The following GNAS variants were observed in gnomAD, a reference collection of about 807,000 sequenced individuals.
The protein encoded by GNAS is GNAS complex locus.
GNAS carries 8 observed loss-of-function variants against 54.5 expected under a neutral mutation model. That is an observed-to-expected ratio of 0.15 (90% CI 0.09 to 0.26). The LOEUF is 0.26. Among genes scored for constraint, GNAS ranks in the 10% least tolerant of loss-of-function variants. The pLI is 1.00. For synonymous variants in GNAS, 204 were observed against 191.4 expected (o/e 1.07, Z -0.54); for missense variants, 170 against 529.8 (o/e 0.32, Z 6.67).
chr20:58,853,431 A>G lies in GNAS; in HGVS notation c.43+12545A>G, dbSNP rs1180561678. The G allele has an allele frequency of 6.2e-7, 1 of 1,604,596 alleles. No individual in the cohort carries two copies. ...AGAGATGGAGACCGAACCGCCTCAC[A>G]ACGAGCCCATCCCCGTCGAGAATGA... On this transcript the variant is annotated intron_variant, in intron 1 of 12. Transcript: ENST00000306090. This position sits in a 1 kb window ranked among gnomAD's most constrained non-coding sequence, Gnocchi z 4.4.
chr20:58,869,375 A>G (rs2087283887), intron 1 of GNAS, among the ~76,000 whole-genome samples: 1 of 152,212 alleles, frequency 6.6e-6, no homozygotes, highest in Non-Finnish European at 1.5e-5. Flanking sequence ...AGGAAATCAA[A>G]TGGTAGGGCC....
chr20:58,891,600 T>A lies in GNAS; in HGVS notation c.-127T>A. On this transcript the variant is annotated 5_prime_UTR_variant, in exon 1 of 13. Transcript: ENST00000371085. The stretch of plus-strand genomic sequence containing the variant: ...CCCGCAGTCCGCCCCGCGCGCTCCT[T>A]GCCGAGGAGCCGAGCCCGCGCCCGG... 1.0e-6 allele frequency: 1 copy of A among 964,306 alleles called. No homozygotes were observed. Among genetic ancestry groups the A allele is most frequent in the African/African-American group, 1.9e-5 (1 of 52,848 alleles). The allele number at this position is 964,306 out of a possible 1,614,324, so 59.7% of individuals were successfully genotyped here. A position where few individuals can be genotyped will look rare whatever the true frequency, so the allele number is the denominator to read the frequency against.
At position 58,899,853 on chromosome 20, in the gene GNAS, A is replaced by G. The variant is rs372281239; in HGVS notation, c.257+868A>G. The stretch of plus-strand genomic sequence containing the variant: ...CATTGACTTAGTTTAGGGCATCTCA[A>G]AGAAACAGCTTCTGTGGCCGGGGAG... On this transcript the variant is annotated intron_variant, in intron 3 of 12. Transcript: ENST00000371085. 2.0e-5 allele frequency: 14 copies of G among 704,840 alleles called. No homozygotes were observed. In the East Asian group the frequency reaches 2.7e-4, roughly 14 times the overall value. 43.7% of individuals were successfully genotyped at this position (704,840 alleles called of 1,614,324 possible). A position where few individuals can be genotyped will look rare whatever the true frequency, so the allele number is the denominator to read the frequency against.
intron 1 of GNAS, chr20:58,895,367 A>T (rs2089947067): frequency 2.0e-6 from 1 of 500,532 alleles, no homozygotes; most frequent in East Asian, 3.5e-5. Context: ...AAGAAAAATT[A>T]AAACCAGCAA....
rs528475197 is a variant in GNAS, at chr20:58,842,046, G to A, written c.43+1160G>A. On this transcript the variant is annotated intron_variant, in intron 1 of 12. Transcript: ENST00000306090. Reference sequence around the variant, plus strand: ...AAAGGAGGCAGGGGCCGGCGGCTCCGGCAGCCTTGGGGAGGGGAGGCGAGG... The same window carrying A: ...AAAGGAGGCAGGGGCCGGCGGCTCCAGCAGCCTTGGGGAGGGGAGGCGAGG... 749 of 542,016 alleles carry A rather than the reference G, an allele frequency of 1.4e-3. 5 individuals carry two copies. Among genetic ancestry groups the A allele is most frequent in the African/African-American group, 0.013 (687 of 51,490 alleles). The allele number at this position is 542,016 out of a possible 1,614,324, so 33.6% of individuals were successfully genotyped here.
chr20:58,899,757 A>C (rs535662192), intron 3 of GNAS, among the ~76,000 whole-genome samples: 2 of 152,208 alleles, frequency 1.3e-5, no homozygotes, highest in African/African-American at 4.8e-5. Context: ...ATGCCAGGTA[A>C]CCACTCTAGC....
At chr20:58,902,502 G>A (rs978940776) in intron 3 of GNAS, among the ~76,000 whole-genome samples, 4 of 152,020 alleles carry the variant, frequency 2.6e-5, no homozygotes, top group South Asian at 2.1e-4. Context: ...TAAAGACCAC[G>A]CAGGCCATCC....
chr20:58,845,261 C>A (rs1476839034), intron 1 of GNAS, among the ~76,000 whole-genome samples: 1 of 152,092 alleles, frequency 6.6e-6, no homozygotes, highest in Non-Finnish European at 1.5e-5. Context: ...TAAGCTAGAC[C>A]TGAAAAAAAT....
Position 58,840,937 on chromosome 20 carries a change from C to A in GNAS, c.43+51C>A, listed in dbSNP as rs2085694235. The A allele has an allele frequency of 1.9e-6, 3 of 1,594,632 alleles. No homozygotes were observed. Among genetic ancestry groups the A allele is most frequent in the Non-Finnish European group, 2.6e-6 (3 of 1,167,828 alleles). On this transcript the variant is annotated intron_variant, in intron 1 of 12. Coordinates refer to the GNAS transcript ENST00000306090. This position sits in a 1 kb window ranked among gnomAD's most constrained non-coding sequence, Gnocchi z 6.0. ...GAGCCTGAGGGCGGTGTGGGAGCAG[C>A]GCAGGTGGAAAGGAGGTGAGAAGGA...
At chr20:58,854,176 T>C (rs1316180050) in intron 1 of GNAS, 1 of 1,612,774 alleles carries the variant, frequency 6.2e-7, no homozygotes, top group Admixed American at 1.7e-5. Context: ...TGGATGGAGA[T>C]CTCCGGACCC....
intron 3 of GNAS, chr20:58,899,553 G>A (rs375844707): frequency 4.3e-5 from 23 of 535,050 alleles, no homozygotes; most frequent in African/African-American, 2.9e-4. Context: ...GGCACTTTAC[G>A]TTAGCTTGGT....
At position 58,851,440 on chromosome 20, in the gene GNAS, T is replaced by G. The variant is rs546319515; in HGVS notation, c.43+10554T>G. Among the ~76,000 whole-genome samples the G allele has an allele frequency of 2.8e-4, 42 of 152,216 alleles. No individual in the cohort carries two copies. The East Asian group carries it at 7.7e-3, about 28-fold the overall frequency. On this transcript the variant is annotated intron_variant, in intron 1 of 12. Transcript: ENST00000306090. ...CTCCCCTCCCCCAGGGTTCTGCAGG[T>G]CAGATGACCCCCTGCCTCCTGCCCA...
chr20:58,890,827 C>T (rs1165745508), upstream of GNAS: 3 of 152,396 alleles, frequency 2.0e-5, no homozygotes, highest in Non-Finnish European at 4.4e-5. Flanking sequence ...TGTGTGGACA[C>T]ATTTTCCTTT....
At chr20:58,866,033 C>T (rs891647172) in intron 1 of GNAS, among the ~76,000 whole-genome samples, 33 of 152,178 alleles carry the variant, frequency 2.2e-4, no homozygotes, top group African/African-American at 7.0e-4. Flanking sequence ...TGCCAAGACA[C>T]GAAGGACCCA....
chr20:58,854,532 G>A (rs773948481), intron 1 of GNAS: 4 of 1,574,964 alleles, frequency 2.5e-6, no homozygotes, highest in African/African-American at 2.9e-5. Flanking sequence ...TCCTGACTCC[G>A]GGGCATTCGC....
Position 58,871,353 on chromosome 20 carries a change from G to A in GNAS, c.44-24259G>A, listed in dbSNP as rs535110305. ...AATTTGAAAGGGAGCAGTGGTTCAC[G>A]CCTGTAATCCCAGCACTTTGGGAGG... On this transcript the variant is annotated intron_variant, in intron 1 of 12. Coordinates refer to the GNAS transcript ENST00000306090. 3.3e-5 allele frequency among the ~76,000 whole-genome samples: 5 copies of A among 152,250 alleles called. No homozygotes were observed. In the South Asian group the frequency reaches 8.3e-4, roughly 25 times the overall value.
rs1027670523 is a variant in GNAS at position 58,909,181 on chromosome 20, G to A, written c.550G>A (p.Val184Met). ...CAQYFLDKID[V>M]IKQADYVPSD... is the part of the protein sequence containing the mutation. ...TCCCAGCTTCCTGGACAAGATCGAC[G>A]TGATCAAGCAGGCTGACTATGTGCC... Residue 184 changes from valine to methionine, a missense_variant, in exon 7 of 13, where the codon GTG becomes ATG. By Grantham distance (21) the Val-to-Met change is conservative (BLOSUM62 1). Coordinates refer to ENST00000371085, the MANE Select transcript of GNAS (RefSeq NM_000516.7). This position sits in a 1 kb window ranked among gnomAD's most constrained non-coding sequence, Gnocchi z 7.3. 5.6e-6 allele frequency: 9 copies of A among 1,613,966 alleles called. No homozygotes were observed. The highest frequency in any genetic ancestry group is 7.6e-6 in the Non-Finnish European group (9 of 1,179,962).
In GNAS at chr20:58,861,064, GT is replaced by G. The variant is rs529195678; in HGVS notation, c.43+20183del. ...ATGCTCCTTCTTCTTTTTAGAGTTA[GT>G]TTTTCCTCCAAATAAAACTTACCCC... is the stretch of plus-strand genomic sequence containing the variant. On this transcript the variant is annotated intron_variant, in intron 1 of 12. Transcript: ENST00000306090. Among the ~76,000 whole-genome samples the G allele has an allele frequency of 6.8e-4, 104 of 152,272 alleles. 1 individual carries two copies. Among genetic ancestry groups the G allele is most frequent in the African/African-American group, 2.5e-3 (102 of 41,554 alleles).
At position 58,853,830 on chromosome 20, in the gene GNAS, C is replaced by G. The variant is rs2086288485; in HGVS notation, c.43+12944C>G. On this transcript the variant is annotated intron_variant, in intron 1 of 12. Coordinates refer to the GNAS transcript ENST00000306090. The surrounding 1 kb of genome is among the most constrained non-coding windows in gnomAD (Gnocchi z 4.4). ...GGTCCCAGACCTTGCTCCAGGAGGC[C>G]CAGGTGCTGCAGGGGTCCCCGGAGC... The G allele has an allele frequency of 6.3e-7, 1 of 1,599,188 alleles. No homozygotes were observed. Among genetic ancestry groups the G allele is most frequent in the African/African-American group, 1.3e-5 (1 of 74,594 alleles).
Sources: allele counts gnomAD v4.1 joint callset (sites outside exome capture counted in the v4.1 genomes callset), GRCh38; gene constraint gnomAD v4.1.1; non-coding constraint Gnocchi (gnomAD v3.1); transcripts MANE v1.5; gene names NCBI Gene and HGNC (gene_info 2026-07-23, HGNC 2026-07-21).